Variants in NXF3 observed in about 807,000 individuals in gnomAD.
NXF3 encodes nuclear RNA export factor 3.
A neutral mutation model predicts 48.4 loss-of-function variants in NXF3; 34 were observed. The observed-to-expected ratio is 0.70, with a 90% CI of 0.53 to 0.93. The LOEUF (loss-of-function observed/expected upper bound fraction) is 0.93. Ranked by LOEUF, NXF3 falls within the 40% of genes least tolerant of loss-of-function variation. The pLI, the probability that NXF3 is intolerant of heterozygous loss-of-function variation, is 0.00. For synonymous variants in NXF3, 132 were observed against 145.7 expected (o/e 0.91, Z 0.68); for missense variants, 359 against 406.1 (o/e 0.88, Z 1.00).
At position 103,079,039 on chromosome X, in the gene NXF3, G is replaced by C. The variant is rs1347806553; in HGVS notation, c.1378+182C>G. 2.7e-5 allele frequency among the ~76,000 whole-genome samples: 3 copies of C among 112,287 alleles called. No individual in the cohort carries two copies. In the Admixed American group the frequency reaches 2.8e-4, roughly 11 times the overall value. On this transcript the variant is annotated intron_variant, in intron 16 of 19. Transcript: ENST00000395065. ...ACGCACGCCTGAGCTGTGCAGGGCA[G>C]ACAGGCATGGGCCTAGGTCAGATCA...
chrX:103,087,212 A>T (rs1221313427), intron 1 of NXF3: 2 of 802,558 alleles, frequency 2.5e-6, no homozygotes, highest in East Asian at 6.3e-5. Flanking sequence ...CCTGAAAACT[A>T]TTTAAAAATG....
In NXF3 at chrX:103,084,886, TA is replaced by T. The variant is rs751881042; in HGVS notation, c.29-4del. On this transcript the variant is annotated splice_polypyrimidine_tract_variant and splice_region_variant and intron_variant, in intron 1 of 19. Coordinates refer to ENST00000395065, the MANE Select transcript of NXF3 (RefSeq NM_022052.2). ...TTGAACAACTTGATCAGTGTGACCT[TA>T]AATTAAGAACAGCACATCAACACTT... 2.8e-5 allele frequency: 34 copies of T among 1,203,849 alleles called. No homozygotes were observed. The highest frequency in any genetic ancestry group is 2.2e-6 in the Non-Finnish European group (2 of 889,812).
chrX:103,084,711 T>C lies in NXF3; in HGVS notation c.197+4A>G. On this transcript the variant is annotated splice_donor_region_variant and intron_variant, in intron 2 of 19. Transcript: ENST00000395065. ...TCCAGCCATGCTGACTACTGGTCAC[T>C]TACTATCTTACTGGAGAGTCCATGT... 8.3e-7 allele frequency: 1 copy of C among 1,210,387 alleles called. No individual in the cohort carries two copies. Among genetic ancestry groups the C allele is most frequent in the Non-Finnish European group, 1.1e-6 (1 of 894,385 alleles).
chrX:103,080,082 T>C lies in NXF3; in HGVS notation c.997-14A>G, dbSNP rs377413103. On this transcript the variant is annotated splice_polypyrimidine_tract_variant and intron_variant, in intron 11 of 19. Transcript: ENST00000395065. Reference sequence around the variant, plus strand: ...AAAGAAGCTTCCCTGGAATAAAGAGTCCCCAGGACCACAGATGGTACCCCC... The same window carrying C: ...AAAGAAGCTTCCCTGGAATAAAGAGCCCCCAGGACCACAGATGGTACCCCC... 356 of 1,207,347 alleles carry C rather than the reference T, an allele frequency of 2.9e-4. 2 individuals are homozygous for C. Among genetic ancestry groups the C allele is most frequent in the Non-Finnish European group, 4.6e-5 (41 of 893,879 alleles).
chrX:103,083,346 T>A, intron 5 of NXF3, 52 bp downstream of exon 5: 1 of 1,168,648 alleles, frequency 8.6e-7, no homozygotes, highest in South Asian at 1.8e-5. Context: ...GACCTTACCC[T>A]TGCCCTGCCC....
chrX:103,092,073 A>G (rs1464079480), intron 1 of NXF3, among the ~76,000 whole-genome samples: 1 of 110,699 alleles, frequency 9.0e-6, no homozygotes, highest in Non-Finnish European at 1.9e-5. Context: ...TGTTGGATCA[A>G]TTACTTTGGT....
chrX:103,083,369 C>T (rs369876342), intron 5 of NXF3, 29 bp downstream of exon 5: 26 of 1,180,306 alleles, frequency 2.2e-5, no homozygotes, highest in Non-Finnish European at 3.0e-5. Context: ...TTGCTCGATG[C>T]TAGCCCTGGT....
At chrX:103,087,207 A>G (rs1353619824) in intron 1 of NXF3, 19 of 775,643 alleles carry the variant, frequency 2.4e-5, no homozygotes, top group South Asian at 2.2e-4. Flanking sequence ...TGATGCCTGA[A>G]AACTATTTAA....
Position 103,089,920 on chromosome X carries a change from T to A in NXF3, c.28+3076A>T, listed in dbSNP as rs920918236. ...ATTAAGGTTTTTTTTTTCTTTTTTT[T>A]TTCCCAGCGAGTGACATCTTTCTCA... On this transcript the variant is annotated intron_variant, in intron 1 of 19. Coordinates refer to ENST00000395065, the MANE Select transcript of NXF3 (RefSeq NM_022052.2). 9.9e-5 allele frequency among the ~76,000 whole-genome samples: 11 copies of A among 111,270 alleles called. No homozygotes were observed. In the Admixed American group the frequency reaches 1.1e-3, roughly 11 times the overall value.
Position 103,088,665 on chromosome X carries a change from C to T in NXF3, c.29-3782G>A. 4 of 929,010 alleles carry T rather than the reference C, an allele frequency of 4.3e-6. No individual in the cohort carries two copies. The South Asian group carries it at 7.0e-5, about 16-fold the overall frequency. The allele number at this position is 929,010 out of a possible 1,213,427, so 76.6% of individuals were successfully genotyped here. ...TGTGAGAAGGTATTTCCTTCTGTATCCAAACTAAAAAGACACTATTTAGTT... is the reference window on the plus strand; with the variant it reads ...TGTGAGAAGGTATTTCCTTCTGTATTCAAACTAAAAAGACACTATTTAGTT... On this transcript the variant is annotated intron_variant, in intron 1 of 19. Transcript: ENST00000395065.
At chrX:103,090,680 C>T (rs1316676907) in intron 1 of NXF3, among the ~76,000 whole-genome samples, 1 of 111,323 alleles carries the variant, frequency 9.0e-6, no homozygotes, top group Non-Finnish European at 1.9e-5. Context: ...CCTTTTGGGG[C>T]AGGGGGAGGC....
rs918008062 is a variant in NXF3, at chrX:103,088,125, A to C, written c.29-3242T>G. On this transcript the variant is annotated intron_variant, in intron 1 of 19. Transcript: ENST00000395065. ...ATCACAGCAGATTCTCAATGAACAC[A>C]TGTGTTTTCCTGCTAGAGGTGGCAA... The C allele has an allele frequency of 4.2e-6, 4 of 948,237 alleles. No homozygotes were observed. The Admixed American group carries it at 9.4e-5, about 22-fold the overall frequency. The allele number at this position is 948,237 out of a possible 1,213,427, so 78.1% of individuals were successfully genotyped here.
intron 17 of NXF3, 62 bp downstream of exon 17, chrX:103,078,498 A>G (rs192883296): frequency 1.6e-5 from 19 of 1,200,676 alleles, no homozygotes; most frequent in Non-Finnish European, 2.1e-5. Context: ...CTGCACCACC[A>G]CATTCCCACA....
chrX:103,083,379 T>C lies in NXF3; in HGVS notation c.540+19A>G. On this transcript the variant is annotated intron_variant, in intron 5 of 19. Transcript: ENST00000395065. The stretch of plus-strand genomic sequence containing the variant: ...CCCTCTTGCTCGATGCTAGCCCTGG[T>C]CATTCATTTGACACACACCTTTTCA... The C allele has an allele frequency of 8.4e-7, 1 of 1,184,943 alleles. No homozygotes were observed. The highest frequency in any genetic ancestry group is 1.8e-5 in the South Asian group (1 of 56,262).
At chrX:103,079,527 G>A (rs1230752869) in intron 14 of NXF3, 53 bp from the exon 15 acceptor site, 12 of 1,189,412 alleles carry the variant, frequency 1.0e-5, no homozygotes, top group Non-Finnish European at 1.1e-6. Context: ...CCCCAGTTGT[G>A]TGATTGTTCC....
chrX:103,092,064 G>A lies in NXF3; in HGVS notation c.28+932C>T, dbSNP rs758739998. On this transcript the variant is annotated intron_variant, in intron 1 of 19. Coordinates refer to ENST00000395065, the MANE Select transcript of NXF3 (RefSeq NM_022052.2). ...GTTGCATGCTAGAACTGTTAGTATT[G>A]TTGGATCAATTACTTTGGTTTTATG... Among the ~76,000 whole-genome samples, 3 of 108,519 alleles carry A rather than the reference G, an allele frequency of 2.8e-5. No individual in the cohort carries two copies. In the East Asian group the frequency reaches 8.7e-4, roughly 31 times the overall value. The allele number at this position is 108,519 out of a possible 115,157, so 94.2% of individuals were successfully genotyped here.
At position 103,083,184 on chromosome X, in the gene NXF3, C is replaced by T; in HGVS notation, c.621+9G>A. 1 of 1,209,646 alleles carries T rather than the reference C, an allele frequency of 8.3e-7. No homozygotes were observed. The highest frequency in any genetic ancestry group is 1.1e-6 in the Non-Finnish European group (1 of 893,891). ...TTTGTGTGAACAACTTGCCATGAGT[C>T]TGTGTTACCTTTATCTGCTCCACCT... On this transcript the variant is annotated intron_variant, in intron 6 of 19. Coordinates refer to ENST00000395065, the MANE Select transcript of NXF3 (RefSeq NM_022052.2).
Position 103,079,757 on chromosome X carries a change from A to C in NXF3, c.1160+6T>G. On this transcript the variant is annotated splice_donor_region_variant and intron_variant, in intron 13 of 19. Transcript: ENST00000395065. ...CCTGGACCAGGGTCGGAGCTGTGATACTCACGGGGCTGAGTCCTCAGGATT... is the reference window on the plus strand; with the variant it reads ...CCTGGACCAGGGTCGGAGCTGTGATCCTCACGGGGCTGAGTCCTCAGGATT... The C allele has an allele frequency of 8.3e-7, 1 of 1,207,803 alleles. No homozygotes were observed. The highest frequency in any genetic ancestry group is 1.8e-5 in the South Asian group (1 of 56,763).
At chrX:103,088,245 T>C in intron 1 of NXF3, 1 of 655,922 alleles carries the variant, frequency 1.5e-6, no homozygotes, top group Non-Finnish European at 2.3e-6. Context: ...AAAAATTAGA[T>C]AACTTTTGAT....
Sources: allele counts gnomAD v4.1 joint callset (sites outside exome capture counted in the v4.1 genomes callset), GRCh38; gene constraint gnomAD v4.1.1; transcripts MANE v1.5; gene names NCBI Gene and HGNC (gene_info 2026-07-23, HGNC 2026-07-21).